LGR5: variants seen among roughly 807,000 people sequenced by gnomAD.
The protein encoded by LGR5 is leucine-rich repeat-containing G protein-coupled receptor 5.
LGR5 carries 54 observed loss-of-function variants against 76.7 expected under a neutral mutation model. The ratio of observed to expected loss-of-function variants is 0.70; its 90% CI spans 0.57 to 0.88. The LOEUF (loss-of-function observed/expected upper bound fraction) is 0.88. Among genes scored for constraint, LGR5 ranks in the 40% least tolerant of loss-of-function variants. The pLI, the probability that LGR5 is intolerant of heterozygous loss-of-function variation, is 0.00. For synonymous variants in LGR5, 406 were observed against 421.9 expected, an observed-to-expected ratio of 0.96 and a Z score of 0.46; for missense variants, 1,078 against 1,073.3, an observed-to-expected ratio of 1.00 and a Z score of -0.06.
intron 1 of LGR5, among the ~76,000 whole-genome samples, chr12:71,492,649 C>T (rs1044847027): frequency 6.6e-6 from 1 of 152,168 alleles, no homozygotes; most frequent in African/African-American, 2.4e-5. Context: ...GAGAGTCAAA[C>T]CGATGGGAAT....
intron 1 of LGR5, among the ~76,000 whole-genome samples, chr12:71,445,517 G>T (rs1871949234): frequency 6.6e-6 from 1 of 152,060 alleles, no homozygotes. Context: ...TTTCACCTAT[G>T]GAACTCTATG....
intron 4 of LGR5, among the ~76,000 whole-genome samples, chr12:71,540,414 ATTCTC>A (rs572619644): frequency 2.4e-4 from 36 of 152,338 alleles, no homozygotes; most frequent in African/African-American, 8.4e-4. Flanking sequence ...TATTGTCTCT[ATTCTC>A]CAATTAACTA....
intron 1 of LGR5, among the ~76,000 whole-genome samples, chr12:71,465,189 C>T (rs1040494514): frequency 2.0e-5 from 3 of 152,102 alleles, no homozygotes; most frequent in Non-Finnish European, 4.4e-5. Flanking sequence ...AGATTCAATC[C>T]TGAAGCAGAG....
chr12:71,446,733 C>T (rs958361448), intron 1 of LGR5, among the ~76,000 whole-genome samples: 3 of 152,166 alleles, frequency 2.0e-5, no homozygotes, highest in African/African-American at 7.2e-5. Context: ...TTATGAAGCC[C>T]TAATACCAGA....
At chr12:71,473,478 A>T (rs1385010045) in intron 1 of LGR5, among the ~76,000 whole-genome samples, 4 of 152,004 alleles carry the variant, frequency 2.6e-5, no homozygotes, top group African/African-American at 7.3e-5. Context: ...TTATTCATTT[A>T]AAAAAAATTT....
At chr12:71,514,398 A>G (rs1481200749) in intron 2 of LGR5, among the ~76,000 whole-genome samples, 1 of 151,998 alleles carries the variant, frequency 6.6e-6, no homozygotes, top group Non-Finnish European at 1.5e-5. Flanking sequence ...GAAACCCCGT[A>G]TCTACTAAAA....
rs371158450 is a variant in LGR5, at chr12:71,494,550, G to A, written c.213-10064G>A. 2.0e-3 allele frequency among the ~76,000 whole-genome samples: 297 copies of A among 150,986 alleles called. 18 individuals carry two copies. The highest frequency in any genetic ancestry group is 6.3e-3 in the African/African-American group (255 of 40,448). The stretch of plus-strand genomic sequence containing the variant: ...ATTTTATCTAGATTAAAACTTCCCC[G>A]TTGTGGCCACTGCAACTTCAAATTA... On this transcript the variant is annotated intron_variant, in intron 1 of 17. Coordinates refer to ENST00000266674, the MANE Select transcript of LGR5 (RefSeq NM_003667.4).
At chr12:71,506,072 C>T (rs910621584) in intron 2 of LGR5, among the ~76,000 whole-genome samples, 26 of 152,028 alleles carry the variant, frequency 1.7e-4, no homozygotes, top group African/African-American at 5.1e-4. Context: ...TGTCAACTCC[C>T]TAAGAAAAAG....
At chr12:71,448,113 A>ACACACACACAC (rs1300176522) in intron 1 of LGR5, among the ~76,000 whole-genome samples, 4 of 151,216 alleles carry the variant, frequency 2.6e-5, no homozygotes, top group African/African-American at 9.8e-5. Flanking sequence ...ACACACACAC[A>ACACACACACAC]AACTGTGGTG....
chr12:71,491,343 G>C (rs1174197615), intron 1 of LGR5, among the ~76,000 whole-genome samples: 1 of 152,084 alleles, frequency 6.6e-6, no homozygotes, highest in African/African-American at 2.4e-5. Flanking sequence ...AAAGTCCAAG[G>C]AATCCTTTTA....
At chr12:71,489,156 C>G (rs1873957167) in intron 1 of LGR5, among the ~76,000 whole-genome samples, 1 of 152,126 alleles carries the variant, frequency 6.6e-6, no homozygotes, top group Non-Finnish European at 1.5e-5. Flanking sequence ...AAATATACCA[C>G]TTGAATCTTT....
chr12:71,489,302 G>A (rs12809991), intron 1 of LGR5, among the ~76,000 whole-genome samples: 13,651 of 152,080 alleles, frequency 0.09, 657 homozygotes, highest in Non-Finnish European at 0.11. Context: ...GAGTAATGGC[G>A]TACAGGACTT....
rs185289396 is a variant in LGR5 at position 71,519,855 on chromosome 12, A to T, written c.285-4551A>T. ...AATAATAATAATAAATAAATATAAAAAATAATAATAATAATAAAGTGGCAC... is the reference window on the plus strand; with the variant it reads ...AATAATAATAATAAATAAATATAAATAATAATAATAATAATAAAGTGGCAC... On this transcript the variant is annotated intron_variant, in intron 2 of 17. Coordinates refer to ENST00000266674, the MANE Select transcript of LGR5 (RefSeq NM_003667.4). Among the ~76,000 whole-genome samples, 85 of 150,762 alleles carry T rather than the reference A, an allele frequency of 5.6e-4. No individual in the cohort carries two copies. The East Asian group carries it at 0.011, about 19-fold the overall frequency.
At chr12:71,478,100 T>C (rs1485232362) in intron 1 of LGR5, among the ~76,000 whole-genome samples, 1 of 152,220 alleles carries the variant, frequency 6.6e-6, no homozygotes, top group Non-Finnish European at 1.5e-5. Flanking sequence ...TAACTTACAC[T>C]GACATTTTGA....
intron 17 of LGR5, among the ~76,000 whole-genome samples, chr12:71,582,766 C>G (rs80351347): frequency 6.6e-6 from 1 of 151,756 alleles, no homozygotes; most frequent in African/African-American, 2.4e-5. Context: ...TTAATGTAAA[C>G]GAAAGAATCA....
At chr12:71,553,040 C>G in intron 4 of LGR5, 33 bp from the exon 5 acceptor site, 6 of 1,601,266 alleles carry the variant, frequency 3.7e-6, no homozygotes, top group Non-Finnish European at 5.1e-6. Flanking sequence ...GGGCTTTGCT[C>G]TCTTTTCCAT....
At chr12:71,472,977 T>C (rs1202992375) in intron 1 of LGR5, among the ~76,000 whole-genome samples, 1 of 152,220 alleles carries the variant, frequency 6.6e-6, no homozygotes, top group African/African-American at 2.4e-5. Flanking sequence ...GCAACCTTTA[T>C]GGCTTTAGGT....
At chr12:71,480,755 G>C (rs1873561607) in intron 1 of LGR5, among the ~76,000 whole-genome samples, 1 of 152,158 alleles carries the variant, frequency 6.6e-6, no homozygotes, top group Non-Finnish European at 1.5e-5. Context: ...CAGCTGATGA[G>C]ATCCTTTCAA....
intron 3 of LGR5, among the ~76,000 whole-genome samples, chr12:71,533,730 C>A (rs1234143009): frequency 6.6e-6 from 1 of 152,178 alleles, no homozygotes; most frequent in Non-Finnish European, 1.5e-5. Context: ...GTTCTATGAA[C>A]CTTCACTCAT....
Sources: allele counts gnomAD v4.1 joint callset (sites outside exome capture counted in the v4.1 genomes callset), GRCh38; gene constraint gnomAD v4.1.1; transcripts MANE v1.5; gene names NCBI Gene and HGNC (gene_info 2026-07-23, HGNC 2026-07-21).